ERBB4: variants seen among roughly 807,000 people sequenced by gnomAD.
ERBB4 encodes the protein erb-b2 receptor tyrosine kinase 4.
Under a neutral mutation model 158.0 loss-of-function variants are expected in ERBB4, and 42 were observed. That is an observed-to-expected ratio of 0.27 (90% confidence interval 0.21 to 0.34). The LOEUF (loss-of-function observed/expected upper bound fraction) is 0.34. Among genes scored for constraint, ERBB4 ranks in the 10% least tolerant of loss-of-function variants. The pLI, the probability that ERBB4 is intolerant of heterozygous loss-of-function variation, is 1.00. For missense variants in ERBB4, 1,333 were observed against 1,624.1 expected, an observed-to-expected ratio of 0.82 and a Z score of 3.08; for synonymous variants, 583 against 558.7, an observed-to-expected ratio of 1.04 and a Z score of -0.61.
chr2:211,474,055 A>G (rs1403802712), intron 20 of ERBB4, among the ~76,000 whole-genome samples: 1 of 151,952 alleles, frequency 6.6e-6, no homozygotes, highest in African/African-American at 2.4e-5. Flanking sequence ...CTTGTATATA[A>G]ATGGCCAAAA....
intron 20 of ERBB4, among the ~76,000 whole-genome samples, chr2:211,488,068 T>C (rs58925625): frequency 1.5e-4 from 18 of 117,900 alleles, no homozygotes; most frequent in Non-Finnish European, 2.8e-4. Flanking sequence ...AAGAACCACA[T>C]TTTTTTTTTT....
chr2:212,007,179 AC>A (rs539344657), intron 2 of ERBB4, among the ~76,000 whole-genome samples: 1 of 152,110 alleles, frequency 6.6e-6, no homozygotes, highest in African/African-American at 2.4e-5. Context: ...AGAGAAGTTA[AC>A]AAAAGTGGGG....
At chr2:212,076,114 T>A (rs1559450545) in intron 2 of ERBB4, among the ~76,000 whole-genome samples, 1 of 151,888 alleles carries the variant, frequency 6.6e-6, no homozygotes, top group Non-Finnish European at 1.5e-5. Flanking sequence ...AATTGGTTTG[T>A]TATGATGAAT....
chr2:211,975,242 A>G (rs1025633943), intron 2 of ERBB4, among the ~76,000 whole-genome samples: 2 of 152,216 alleles, frequency 1.3e-5, no homozygotes, highest in Admixed American at 6.5e-5. Context: ...TCCACCGCCC[A>G]AAGTACTAGG....
At chr2:212,025,556 G>A (rs934811058) in intron 2 of ERBB4, among the ~76,000 whole-genome samples, 9 of 151,740 alleles carry the variant, frequency 5.9e-5, no homozygotes, top group Non-Finnish European at 1.2e-4. Context: ...TAGTTCATTT[G>A]AGCCTGTAAG....
chr2:211,519,325 G>C (rs1289639915), intron 20 of ERBB4, among the ~76,000 whole-genome samples: 2 of 152,112 alleles, frequency 1.3e-5, no homozygotes, highest in Non-Finnish European at 2.9e-5. Context: ...ATAGACTGTA[G>C]ATTGGCTGTA....
At chr2:211,585,152 A>G (rs1338920530) in intron 19 of ERBB4, among the ~76,000 whole-genome samples, 2 of 152,082 alleles carry the variant, frequency 1.3e-5, no homozygotes, top group Non-Finnish European at 2.9e-5. Context: ...GGAGATCGAG[A>G]CCATCCTGGC....
chr2:211,622,849 G>A (rs1485368741), intron 18 of ERBB4, among the ~76,000 whole-genome samples: 1 of 147,694 alleles, frequency 6.8e-6, no homozygotes, highest in Non-Finnish European at 1.5e-5. Context: ...TGTAATCCCA[G>A]CTACTGGGGA....
intron 3 of ERBB4, among the ~76,000 whole-genome samples, chr2:211,861,557 T>C (rs2078056223): frequency 6.6e-6 from 1 of 151,936 alleles, no homozygotes; most frequent in African/African-American, 2.4e-5. Context: ...ATTAACAATA[T>C]AAAGAAAAAC....
intron 20 of ERBB4, among the ~76,000 whole-genome samples, chr2:211,551,173 C>A (rs1379206749): frequency 2.0e-5 from 3 of 152,008 alleles, no homozygotes; most frequent in East Asian, 3.9e-4. Flanking sequence ...GCAGTGTGAC[C>A]CTGGTAGAGT....
chr2:212,411,258 C>T (rs570035889), intron 1 of ERBB4, among the ~76,000 whole-genome samples: 43 of 152,112 alleles, frequency 2.8e-4, no homozygotes, highest in Non-Finnish European at 5.4e-4. Context: ...GCCATAACCA[C>T]GAAACAGGCT....
intron 25 of ERBB4, among the ~76,000 whole-genome samples, chr2:211,400,631 G>A (rs1299410923): frequency 6.6e-6 from 1 of 151,788 alleles, no homozygotes; most frequent in Non-Finnish European, 1.5e-5. Flanking sequence ...GGCTGGGAAT[G>A]GTAGTCAAGG....
At chr2:211,580,326 C>G (rs571333749) in intron 19 of ERBB4, among the ~76,000 whole-genome samples, 66 of 152,164 alleles carry the variant, frequency 4.3e-4, no homozygotes, top group African/African-American at 1.6e-3. Flanking sequence ...CTATCAAAAA[C>G]TGGGCTAAGG....
At chr2:211,772,934 T>TAGATATACACACAC (rs1559504856) in intron 4 of ERBB4, among the ~76,000 whole-genome samples, 1 of 79,970 alleles carries the variant, frequency 1.3e-5, no homozygotes, top group Non-Finnish European at 2.2e-5. Flanking sequence ...CATATATATA[T>TAGATATACACACAC]ATATATATAT....
At chr2:212,188,626 C>T (rs1404455196) in intron 1 of ERBB4, among the ~76,000 whole-genome samples, 1 of 151,838 alleles carries the variant, frequency 6.6e-6, no homozygotes, top group Admixed American at 6.6e-5. Context: ...CTAGTGCCAC[C>T]TTTTTCTTTG....
intron 13 of ERBB4, among the ~76,000 whole-genome samples, chr2:211,675,783 A>ATATT: frequency 1.4e-5 from 1 of 72,880 alleles, no homozygotes; most frequent in Non-Finnish European, 3.0e-5. Context: ...ATATATATAA[A>ATATT]ATATAATATT....
intron 1 of ERBB4, among the ~76,000 whole-genome samples, chr2:212,380,671 T>C (rs1505352): frequency 0.16 from 23,756 of 150,838 alleles, 2,147 homozygotes; most frequent in South Asian, 0.25. Flanking sequence ...TAAGAGTATT[T>C]ATGTATATAT....
rs548670395 is a variant in ERBB4 at position 211,888,608 on chromosome 2, G to A, written c.421+58822C>T. 1.7e-4 allele frequency among the ~76,000 whole-genome samples: 26 copies of A among 152,308 alleles called. No individual in the cohort carries two copies. The South Asian group carries it at 2.9e-3, about 17-fold the overall frequency. On this transcript the variant is annotated intron_variant, in intron 3 of 27. Transcript: ENST00000342788. ...TCCCAGCGTGAGCGACGCAGAAGAC[G>A]GGTGATTTCTGCATTTCCATCTGAG...
intron 3 of ERBB4, among the ~76,000 whole-genome samples, chr2:211,826,836 T>A (rs975557651): frequency 6.6e-6 from 1 of 152,062 alleles, no homozygotes; most frequent in Non-Finnish European, 1.5e-5. Context: ...AACATTTTAA[T>A]GACATATTTT....
Sources: allele counts gnomAD v4.1 joint callset (sites outside exome capture counted in the v4.1 genomes callset), GRCh38; gene constraint gnomAD v4.1.1; transcripts MANE v1.5; gene names NCBI Gene and HGNC (gene_info 2026-07-23, HGNC 2026-07-21).